The following TEP1 variants were observed in gnomAD, a reference collection of about 807,000 sequenced individuals.
TEP1 encodes the protein telomerase protein component 1.
In TEP1, 241 loss-of-function variants were observed where a neutral mutation model predicts 306.3. The observed-to-expected ratio is 0.79, with a 90% confidence interval of 0.71 to 0.88. The LOEUF (loss-of-function observed/expected upper bound fraction) is 0.88. TEP1 is among the 40% of genes least tolerant of loss of function. The probability of loss-of-function intolerance (pLI) is 0.00; values close to 1 mark genes in which losing one functional copy is unlikely to be tolerated. For synonymous variants in TEP1, 1,289 were observed against 1,305.5 expected, an observed-to-expected ratio of 0.99 and a Z score of 0.27; for missense variants, 3,051 against 3,276.1, an observed-to-expected ratio of 0.93 and a Z score of 1.68.
At position 20,412,982 on chromosome 14, in the gene TEP1, G is replaced by A. The variant is rs577617123; in HGVS notation, c.-25+423C>T. Among the ~76,000 whole-genome samples the A allele has an allele frequency of 4.1e-5, 6 of 145,060 alleles. No individual in the cohort carries two copies. The South Asian group carries it at 1.3e-3, about 32-fold the overall frequency. On this transcript the variant is annotated intron_variant, in intron 1 of 54. Coordinates refer to ENST00000262715, the MANE Select transcript of TEP1 (RefSeq NM_007110.5). The stretch of plus-strand genomic sequence containing the variant: ...CCTCCACCTCACTCTTCAAGTGGCT[G>A]TATGGTAGTCTAGCACATTTAAGCA...
Position 20,383,571 on chromosome 14 carries a change from C to T in TEP1, c.3784G>A (p.Val1262Ile). 2 of 1,614,172 alleles carry T rather than the reference C, an allele frequency of 1.2e-6. No individual in the cohort carries two copies. The highest frequency in any genetic ancestry group is 1.7e-6 in the Non-Finnish European group (2 of 1,180,024). Residue 1262 changes from valine to isoleucine, a missense_variant, in exon 26 of 55, where the codon GTC (valine) becomes ATC (isoleucine). Val to Ile is a conservative substitution (Grantham distance 29). This residue lies in a region of TEP1 where 1,540 missense variants were observed against 1,705.9 expected (regional missense o/e 0.90). Transcript: ENST00000262715. Reference sequence around the variant, plus strand: ...CTATCAGCCCCATCGATGATCAGGACCTGGGTCTGGCCAGGATGCAGGGAC... The same window carrying T: ...CTATCAGCCCCATCGATGATCAGGATCTGGGTCTGGCCAGGATGCAGGGAC... ...AESLHPGQTQ[V>I]LIIDGADRLV...
In TEP1 at chr14:20,403,842, C is replaced by A. The variant is rs34770935; in HGVS notation, c.1075G>T (p.Ala359Ser). 1 of 1,614,062 alleles carries A rather than the reference C, an allele frequency of 6.2e-7. No individual in the cohort carries two copies. The highest frequency in any genetic ancestry group is 1.7e-5 in the Admixed American group (1 of 60,014). The change falls in exon 6 of 55, where the codon GCC becomes TCC. Residue 359 changes from alanine to serine, a missense_variant. Physicochemically the swap from Ala to Ser is moderately conservative, Grantham distance 99 (BLOSUM62 1). Around this residue, in one of 3 missense-constraint regions of TEP1, gnomAD observed 1,507 missense variants for 1,550.5 expected, o/e 0.97. Coordinates refer to ENST00000262715, the MANE Select transcript of TEP1 (RefSeq NM_007110.5). ...TCCGTCATGGCAGTACGGAGACAGGCGGGCAGGGGCACCAGCTTATTCTTA... is the reference window on the plus strand; with the variant it reads ...TCCGTCATGGCAGTACGGAGACAGGAGGGCAGGGGCACCAGCTTATTCTTA... ...GDKNKLVPLPACLRTAMTDKF... is the reference protein window; with the variant it reads ...GDKNKLVPLPSCLRTAMTDKF...
At chr14:20,377,024 T>C (rs2139026418) in intron 41 of TEP1, among the ~76,000 whole-genome samples, 1 of 152,184 alleles carries the variant, frequency 6.6e-6, no homozygotes, top group South Asian at 2.1e-4. Context: ...GAGACCAGCA[T>C]GACCAACATG....
In TEP1 at chr14:20,400,973, G is replaced by C. The variant is rs1429130931; in HGVS notation, c.1549+11C>G. ...GAGAAGGAGGGAATGTGATGGTCAA[G>C]GTCACTCTACCAATGAGTTCCTCCC... On this transcript the variant is annotated intron_variant, in intron 9 of 54. Coordinates refer to ENST00000262715, the MANE Select transcript of TEP1 (RefSeq NM_007110.5). 1 of 1,613,270 alleles carries C rather than the reference G, an allele frequency of 6.2e-7. No homozygotes were observed. Among genetic ancestry groups the C allele is most frequent in the Non-Finnish European group, 8.5e-7 (1 of 1,179,630 alleles).
At chr14:20,395,365 AC>A in intron 12 of TEP1, 84 bp downstream of exon 12, 1 of 1,378,074 alleles carries the variant, frequency 7.3e-7, no homozygotes, top group Non-Finnish European at 9.8e-7. Context: ...TTACAGAAAA[AC>A]AGTTGGGATT....
chr14:20,375,697 T>G (rs988800586), intron 43 of TEP1, 58 bp downstream of exon 43: 117 of 1,086,096 alleles, frequency 1.1e-4, no homozygotes, highest in Non-Finnish European at 1.6e-4. Context: ...AGGTGGGGAG[T>G]GTTGTCTTGC....
chr14:20,368,764 G>GCACACACACACACA lies in TEP1; in HGVS notation c.7761+20_7761+33dup, dbSNP rs112024184. 3.4e-3 allele frequency: 4,626 copies of GCACACACACACACA among 1,343,314 alleles called. 15 individuals carry two copies. Among genetic ancestry groups the GCACACACACACACA allele is most frequent in the East Asian group, 0.014 (570 of 41,888 alleles). The allele number at this position is 1,343,314 out of a possible 1,614,324, so 83.2% of individuals were successfully genotyped here. On this transcript the variant is annotated intron_variant, in intron 54 of 54. Transcript: ENST00000262715. ...CTTTGGGATAGGTGTGCAGGCGCACGCACACACACACACACACACACACAC... is the reference window on the plus strand; with the variant it reads ...CTTTGGGATAGGTGTGCAGGCGCACGCACACACACACACACACACACACACACACACACACACAC...
rs766986957 is a variant in TEP1, at chr14:20,388,084, A to ATCT, written c.2526-22_2526-21insAGA. The stretch of plus-strand genomic sequence containing the variant: ...TGAACCTGACATAAATAACAAGATA[A>ATCT]ATGAGAGTAGAATACCACAGGTCGA... On this transcript the variant is annotated intron_variant, in intron 17 of 54. Coordinates refer to ENST00000262715, the MANE Select transcript of TEP1 (RefSeq NM_007110.5). 3.1e-6 allele frequency: 5 copies of ATCT among 1,613,562 alleles called. No individual in the cohort carries two copies. In the South Asian group the frequency reaches 5.5e-5, roughly 18 times the overall value.
chr14:20,385,974 C>G, intron 20 of TEP1, 101 bp downstream of exon 20: 1 of 1,457,232 alleles, frequency 6.9e-7, no homozygotes, highest in Non-Finnish European at 9.1e-7. Context: ...AAGGACCTGC[C>G]TGTTCATAGT....
chr14:20,396,860 A>G, intron 9 of TEP1, 130 bp from the exon 10 acceptor site: 1 of 545,400 alleles, frequency 1.8e-6, no homozygotes, highest in Non-Finnish European at 3.2e-6. Context: ...CAGGAATTAG[A>G]GTCCAGCCTG....
At chr14:20,412,601 T>TAA (rs567373899) in intron 1 of TEP1, among the ~76,000 whole-genome samples, 192 of 152,066 alleles carry the variant, frequency 1.3e-3, no homozygotes, top group African/African-American at 4.5e-3. Flanking sequence ...AACAGGATCA[T>TAA]AAGTTAGATG....
rs966944383 is a variant in TEP1, at chr14:20,373,151, G to A, written c.6815-4C>T. The stretch of plus-strand genomic sequence containing the variant: ...CTCCTTGGTATACATGTGTCATCTG[G>A]AGGAGAAAGGACGTGTTTCATTAGG... On this transcript the variant is annotated splice_region_variant and splice_polypyrimidine_tract_variant and intron_variant, in intron 47 of 54. Transcript: ENST00000262715. 5.0e-6 allele frequency: 8 copies of A among 1,614,080 alleles called. No homozygotes were observed. The Admixed American group carries it at 1.0e-4, about 20-fold the overall frequency.
At chr14:20,369,918 A>ATT (rs57797321) in intron 51 of TEP1, 139 bp from the exon 52 acceptor site, 5,516 of 511,482 alleles carry the variant, frequency 0.011, 5 homozygotes, top group Non-Finnish European at 0.012. Flanking sequence ...AAGTGCGCAA[A>ATT]TTTTTTTTTT....
At position 20,389,548 on chromosome 14, in the gene TEP1, C is replaced by T. The variant is rs116446902; in HGVS notation, c.2465+62G>A. 3.3e-3 allele frequency: 5,264 copies of T among 1,595,450 alleles called. 127 individuals carry two copies. The African/African-American group carries it at 0.057, about 17-fold the overall frequency. On this transcript the variant is annotated intron_variant, in intron 16 of 54. Coordinates refer to ENST00000262715, the MANE Select transcript of TEP1 (RefSeq NM_007110.5). ...TGGGAGTGTCCTATGCTTTGGCAGG[C>T]GTAGAGAGGAAATGTAGACCACTGA... is the stretch of plus-strand genomic sequence containing the variant.
chr14:20,384,071 C>T lies in TEP1; in HGVS notation c.3501G>A (p.Thr1167=), dbSNP rs552578880. 38 of 1,612,774 alleles carry T rather than the reference C, an allele frequency of 2.4e-5. No homozygotes were observed. The East Asian group carries it at 6.5e-4, about 27-fold the overall frequency. ...MLPHGRLSLV[T]GQSGQGKTAF... is the part of the protein sequence containing the mutation. ...CTGTCTTGCCCTGTCCTGACTGCCC[C>T]GTCACCAGGCTCAGCCTTCCGTGGG... is the stretch of plus-strand genomic sequence containing the variant. The change falls in exon 24 of 55, where the codon ACG becomes ACA. Residue 1167 remains threonine (T), a synonymous_variant. Transcript: ENST00000262715.
chr14:20,384,575 G>C (rs1438557866), intron 22 of TEP1, 25 bp downstream of exon 22: 3 of 1,613,618 alleles, frequency 1.9e-6, no homozygotes, highest in Non-Finnish European at 1.7e-6. Context: ...CTCTGTACAG[G>C]TGCTCCCTAC....
At chr14:20,401,197 A>C in intron 8 of TEP1, 56 bp from the exon 9 acceptor site, 1 of 1,587,784 alleles carries the variant, frequency 6.3e-7, no homozygotes. Flanking sequence ...AAAATAACTC[A>C]GAAAAGGAAA....
chr14:20,377,201 G>C (rs1198769651), intron 41 of TEP1, 79 bp downstream of exon 41: 1 of 1,218,060 alleles, frequency 8.2e-7, no homozygotes, highest in Non-Finnish European at 1.1e-6. Context: ...GGCAACAAGA[G>C]TGAAGCTCTG....
intron 18 of TEP1, among the ~76,000 whole-genome samples, 166 bp downstream of exon 18, chr14:20,387,739 A>G (rs2139094439): frequency 6.6e-6 from 1 of 152,314 alleles, no homozygotes; most frequent in African/African-American, 2.4e-5. Context: ...CTTGCTCACA[A>G]TCTGACAACT....
Sources: gnomAD v4.1 joint callset for allele counts (sites outside exome capture counted in the v4.1 genomes callset) on GRCh38, gnomAD v4.1.1 for gene constraint, gnomAD v4.1.1 regional missense constraint, MANE v1.5 for transcripts, NCBI Gene and HGNC (gene_info 2026-07-23, HGNC 2026-07-21) for gene names.